Variants in MAP3K3 observed in about 807,000 individuals in gnomAD.
MAP3K3 encodes the protein mitogen-activated protein kinase kinase kinase 3, also known as MAP/ERK kinase kinase 3.
MAP3K3 carries 12 observed loss-of-function variants against 80.9 expected under a neutral mutation model. That is an observed-to-expected ratio of 0.15 (90% confidence interval 0.10 to 0.24). MAP3K3 has a LOEUF of 0.24. Ranked by LOEUF, MAP3K3 falls within the 10% of genes least tolerant of loss-of-function variation. MAP3K3 has a pLI of 1.00. For synonymous variants in MAP3K3, 272 were observed against 307.1 expected (o/e 0.89, Z 1.19); for missense variants, 596 against 834.7 (o/e 0.71, Z 3.52).
Position 63,646,021 on chromosome 17 carries a change from T to C in MAP3K3, c.127-13T>C. ...AGAGAATTCTCTAACCTGTCTATCA[T>C]TCTTTTTGGCAGAGTGACGTCAGAA... On this transcript the variant is annotated splice_polypyrimidine_tract_variant and intron_variant, in intron 2 of 15. Transcript: ENST00000361733. 6.2e-7 allele frequency: 1 copy of C among 1,613,342 alleles called. No individual in the cohort carries two copies. The highest frequency in any genetic ancestry group is 8.5e-7 in the Non-Finnish European group (1 of 1,179,290).
chr17:63,640,831 G>C (rs970930429), intron 2 of MAP3K3, among the ~76,000 whole-genome samples: 5 of 152,160 alleles, frequency 3.3e-5, no homozygotes, highest in East Asian at 3.9e-4. Context: ...TATAGAACTT[G>C]ATTCTGTTCC....
At position 63,693,909 on chromosome 17, in the gene MAP3K3, T is replaced by A; in HGVS notation, c.*132T>A. 1.3e-6 allele frequency: 1 copy of A among 762,232 alleles called. No homozygotes were observed. Among genetic ancestry groups the A allele is most frequent in the South Asian group, 2.0e-5 (1 of 50,910 alleles). The allele number at this position is 762,232 out of a possible 1,614,324, so 47.2% of individuals were successfully genotyped here. Reference sequence around the variant, plus strand: ...AGTGGCAGCCCAGCCAGCGTCGGTCTGTGCCCCTTCCGCCACTGGGGCTCA... The same window carrying A: ...AGTGGCAGCCCAGCCAGCGTCGGTCAGTGCCCCTTCCGCCACTGGGGCTCA... On this transcript the variant is annotated 3_prime_UTR_variant, in exon 16 of 16. Coordinates refer to ENST00000361733, the MANE Select transcript of MAP3K3 (RefSeq NM_002401.5). The surrounding 1 kb of genome is among the most constrained non-coding windows in gnomAD (Gnocchi z 4.2).
At chr17:63,659,752 T>C (rs1568136837) in intron 5 of MAP3K3, among the ~76,000 whole-genome samples, 2 of 151,928 alleles carry the variant, frequency 1.3e-5, no homozygotes, top group Non-Finnish European at 2.9e-5. Flanking sequence ...AGACTGGTCT[T>C]GAACTCCTGA....
At chr17:63,647,764 C>G (rs1431829754) in intron 3 of MAP3K3, among the ~76,000 whole-genome samples, 2 of 152,214 alleles carry the variant, frequency 1.3e-5, no homozygotes, top group East Asian at 1.9e-4. Context: ...CTGTGCCACA[C>G]AGCTCTAGTT....
At chr17:63,662,818 C>T (rs905032650) in intron 5 of MAP3K3, among the ~76,000 whole-genome samples, 5 of 149,976 alleles carry the variant, frequency 3.3e-5, no homozygotes, top group Admixed American at 1.3e-4. Flanking sequence ...CCACTACGCC[C>T]GGTTAATTTT....
At chr17:63,634,409 A>G (rs888677942) in intron 2 of MAP3K3, among the ~76,000 whole-genome samples, 1 of 152,162 alleles carries the variant, frequency 6.6e-6, no homozygotes, top group Non-Finnish European at 1.5e-5. Flanking sequence ...CGAGGCTGGG[A>G]AAAGGAGGGG....
At chr17:63,678,782 C>G (rs2035271870) in intron 6 of MAP3K3, among the ~76,000 whole-genome samples, 2 of 152,226 alleles carry the variant, frequency 1.3e-5, no homozygotes. Flanking sequence ...GTAATCCCAG[C>G]ACTTTGGGAG....
intron 1 of MAP3K3, among the ~76,000 whole-genome samples, chr17:63,626,351 TA>T (rs774550730): frequency 7.2e-5 from 11 of 152,186 alleles, no homozygotes; most frequent in Admixed American, 4.6e-4. Context: ...CAAAAGTGTG[TA>T]AAGATATACA....
chr17:63,638,671 GT>G (rs2034381416), intron 2 of MAP3K3, among the ~76,000 whole-genome samples: 1 of 152,176 alleles, frequency 6.6e-6, no homozygotes. Context: ...CTGAATTTCT[GT>G]ACTAGAACTT....
At chr17:63,645,235 G>A (rs899870087) in intron 2 of MAP3K3, among the ~76,000 whole-genome samples, 20 of 152,160 alleles carry the variant, frequency 1.3e-4, no homozygotes, top group African/African-American at 4.8e-4. Flanking sequence ...CCCGGGAGAC[G>A]GAGGTTGCGG....
chr17:63,647,216 A>G (rs2034558033), intron 3 of MAP3K3, among the ~76,000 whole-genome samples: 1 of 152,152 alleles, frequency 6.6e-6, no homozygotes, highest in Non-Finnish European at 1.5e-5. Flanking sequence ...TGGTCTGCAG[A>G]GCCAGGGTCC....
rs2035636083 is a variant in MAP3K3 at position 63,693,562 on chromosome 17, A to G, written c.1666A>G (p.Thr556Ala). Residue 556 changes from threonine to alanine, a missense_variant, in exon 16 of 16, where the codon ACT (threonine) becomes GCT (alanine). Thr to Ala is a moderately conservative substitution (Grantham distance 58, BLOSUM62 0). This residue lies in a region of MAP3K3 where 364 missense variants were observed against 588.9 expected (regional missense o/e 0.62). Coordinates refer to ENST00000361733, the MANE Select transcript of MAP3K3 (RefSeq NM_002401.5). The surrounding 1 kb of genome is among the most constrained non-coding windows in gnomAD (Gnocchi z 4.2). ...RKADVWSLGC[T>A]VVEMLTEKPP... ...CTCTCTTTCCAGGAGCCTGGGCTGCACTGTGGTGGAGATGCTGACAGAGAA... is the reference window on the plus strand; with the variant it reads ...CTCTCTTTCCAGGAGCCTGGGCTGCGCTGTGGTGGAGATGCTGACAGAGAA... 1 of 1,607,216 alleles carries G rather than the reference A, an allele frequency of 6.2e-7. No homozygotes were observed.
At chr17:63,658,239 G>A (rs180841889) in intron 5 of MAP3K3, among the ~76,000 whole-genome samples, 135 of 152,266 alleles carry the variant, frequency 8.9e-4, no homozygotes, top group African/African-American at 2.9e-3. Flanking sequence ...AATTTGATTC[G>A]TTTGGCAGTG....
intron 2 of MAP3K3, among the ~76,000 whole-genome samples, chr17:63,642,064 T>C (rs1172843033): frequency 6.6e-6 from 1 of 152,210 alleles, no homozygotes; most frequent in African/African-American, 2.4e-5. Context: ...CTTATTATGG[T>C]CAACCTGATG....
chr17:63,687,785 C>T (rs986128683), intron 8 of MAP3K3, among the ~76,000 whole-genome samples: 28 of 144,156 alleles, frequency 1.9e-4, no homozygotes, highest in Admixed American at 1.4e-4. Flanking sequence ...GTCAAGAGAT[C>T]GAGACCATCT....
chr17:63,643,984 G>A (rs568157483), intron 2 of MAP3K3, among the ~76,000 whole-genome samples: 141 of 152,230 alleles, frequency 9.3e-4, no homozygotes, highest in African/African-American at 3.1e-3. Context: ...CTTTACAAGC[G>A]ATATGACCTG....
intron 3 of MAP3K3, among the ~76,000 whole-genome samples, chr17:63,647,681 C>G (rs1220842303): frequency 6.6e-6 from 1 of 152,156 alleles, no homozygotes; most frequent in Non-Finnish European, 1.5e-5. Flanking sequence ...CATGGCATTT[C>G]AGTGTTTGTG....
At chr17:63,676,603 A>G (rs1482432414) in intron 6 of MAP3K3, among the ~76,000 whole-genome samples, 3 of 152,214 alleles carry the variant, frequency 2.0e-5, no homozygotes, top group Admixed American at 6.5e-5. Flanking sequence ...AGGAGAACCC[A>G]CTGTAGCTAG....
At chr17:63,657,462 G>A (rs968921941) in intron 4 of MAP3K3, among the ~76,000 whole-genome samples, 3 of 152,162 alleles carry the variant, frequency 2.0e-5, no homozygotes, top group African/African-American at 4.8e-5. Flanking sequence ...GAGATAGAAA[G>A]TAGAGTAGTG....
Sources: allele counts gnomAD v4.1 joint callset (sites outside exome capture counted in the v4.1 genomes callset), GRCh38; gene constraint gnomAD v4.1.1; regional missense constraint gnomAD v4.1.1; non-coding constraint Gnocchi (gnomAD v3.1); transcripts MANE v1.5; gene names NCBI Gene and HGNC (gene_info 2026-07-23, HGNC 2026-07-21).